The following NTNG1 variants were observed in gnomAD, a reference collection of about 807,000 sequenced individuals.
The protein encoded by NTNG1 is netrin-G1.
In NTNG1, 16 loss-of-function variants were observed where a neutral mutation model predicts 54.0. The ratio of observed to expected loss-of-function variants is 0.30; its 90% CI spans 0.20 to 0.45. The LOEUF (loss-of-function observed/expected upper bound fraction) is 0.45. NTNG1 is among the 20% of genes least tolerant of loss of function. The probability of loss-of-function intolerance (pLI) is 1.00; values close to 1 mark genes in which losing one functional copy is unlikely to be tolerated. For synonymous variants in NTNG1, 255 were observed against 263.1 expected (o/e 0.97, Z 0.30); for missense variants, 530 against 678.7 (o/e 0.78, Z 2.43).
chr1:107,183,216 A>C (rs1389744476), intron 2 of NTNG1, among the ~76,000 whole-genome samples: 1 of 152,154 alleles, frequency 6.6e-6, no homozygotes, highest in Non-Finnish European at 1.5e-5. Flanking sequence ...TCCTGTGATT[A>C]ATGCTGGAAT....
At chr1:107,405,157 T>A (rs1279687194) in intron 4 of NTNG1, among the ~76,000 whole-genome samples, 1 of 152,186 alleles carries the variant, frequency 6.6e-6, no homozygotes, top group Non-Finnish European at 1.5e-5. Flanking sequence ...TTCAATTCTT[T>A]ATCTGTGGAG....
intron 2 of NTNG1, among the ~76,000 whole-genome samples, chr1:107,243,186 C>T (rs1048529020): frequency 4.6e-5 from 7 of 152,138 alleles, no homozygotes; most frequent in African/African-American, 1.4e-4. Flanking sequence ...TATTCCTGTG[C>T]AGGCTTTATA....
intron 3 of NTNG1, among the ~76,000 whole-genome samples, chr1:107,333,659 TTGTG>T (rs984919033): frequency 6.6e-6 from 1 of 150,610 alleles, no homozygotes; most frequent in African/African-American, 2.4e-5. Flanking sequence ...ATGTGTGTGT[TTGTG>T]TGTGTGTGTG....
Position 107,380,513 on chromosome 1 carries a change from G to A in NTNG1, c.888-14641G>A, listed in dbSNP as rs182590127. 2.6e-3 allele frequency among the ~76,000 whole-genome samples: 392 copies of A among 152,248 alleles called. 4 individuals are homozygous for A. The highest frequency in any genetic ancestry group is 9.1e-3 in the African/African-American group (376 of 41,536). Reference sequence around the variant, plus strand: ...CTTGTATCTCTCTCATAAAGCTGCTGTATAAATGAAGTAAAACACCATTAC... The same window carrying A: ...CTTGTATCTCTCTCATAAAGCTGCTATATAAATGAAGTAAAACACCATTAC... On this transcript the variant is annotated intron_variant, in intron 3 of 7. Coordinates refer to ENST00000370068, the MANE Select transcript of NTNG1 (RefSeq NM_001113226.3).
At chr1:107,218,069 G>T (rs1660091634) in intron 2 of NTNG1, among the ~76,000 whole-genome samples, 1 of 152,018 alleles carries the variant, frequency 6.6e-6, no homozygotes, top group Non-Finnish European at 1.5e-5. Flanking sequence ...TTATTGTGTT[G>T]CTGTCTGTCT....
chr1:107,431,243 C>T (rs535137055), intron 6 of NTNG1, among the ~76,000 whole-genome samples: 38 of 151,978 alleles, frequency 2.5e-4, no homozygotes, highest in African/African-American at 8.9e-4. Flanking sequence ...GATCTTATAG[C>T]CTTAAACTTA....
intron 2 of NTNG1, among the ~76,000 whole-genome samples, chr1:107,226,445 C>T (rs1291183490): frequency 2.0e-5 from 3 of 152,090 alleles, no homozygotes; most frequent in Non-Finnish European, 4.4e-5. Context: ...TATTATGCGA[C>T]AATAGTTTTA....
At chr1:107,245,315 A>G (rs1316385948) in intron 2 of NTNG1, among the ~76,000 whole-genome samples, 3 of 152,248 alleles carry the variant, frequency 2.0e-5, no homozygotes, top group Non-Finnish European at 4.4e-5. Context: ...TTAATTGAGC[A>G]TGCATAATTT....
At chr1:107,343,469 A>T (rs1410569856) in intron 3 of NTNG1, among the ~76,000 whole-genome samples, 1 of 152,012 alleles carries the variant, frequency 6.6e-6, no homozygotes, top group South Asian at 2.1e-4. Context: ...AGGTATGATT[A>T]TTGGCCTACT....
intron 3 of NTNG1, among the ~76,000 whole-genome samples, chr1:107,374,835 GT>G (rs929427694): frequency 8.6e-5 from 13 of 150,682 alleles, no homozygotes; most frequent in African/African-American, 2.2e-4. Flanking sequence ...ATTCTTTAGG[GT>G]TTTTTTTTCT....
intron 3 of NTNG1, among the ~76,000 whole-genome samples, chr1:107,377,108 A>C (rs1042806046): frequency 6.6e-6 from 1 of 152,174 alleles, no homozygotes; most frequent in Admixed American, 6.5e-5. Flanking sequence ...TGCTTGTCAC[A>C]TATCTGTTTC....
At chr1:107,411,012 C>T (rs1673762900) in intron 5 of NTNG1, among the ~76,000 whole-genome samples, 1 of 152,108 alleles carries the variant, frequency 6.6e-6, no homozygotes. Flanking sequence ...CCATTTCGAA[C>T]TCTTGGAGTT....
chr1:107,254,436 C>T (rs541712493), intron 2 of NTNG1, among the ~76,000 whole-genome samples: 13 of 152,314 alleles, frequency 8.5e-5, no homozygotes, highest in African/African-American at 2.2e-4. Context: ...CAGTAGCAGC[C>T]GCATGAGGAC....
chr1:107,446,319 C>A (rs1676301510), intron 7 of NTNG1, among the ~76,000 whole-genome samples: 1 of 152,062 alleles, frequency 6.6e-6, no homozygotes, highest in Admixed American at 6.6e-5. Flanking sequence ...GCCAATTTAG[C>A]ATCAATTTAG....
intron 4 of NTNG1, among the ~76,000 whole-genome samples, chr1:107,400,461 A>G (rs1290583058): frequency 1.3e-5 from 2 of 152,158 alleles, no homozygotes; most frequent in Non-Finnish European, 2.9e-5. Context: ...GATATGTACT[A>G]TTATTATCCT....
chr1:107,190,359 C>A (rs1354504656), intron 2 of NTNG1, among the ~76,000 whole-genome samples: 5 of 152,044 alleles, frequency 3.3e-5, no homozygotes, highest in Admixed American at 2.0e-4. Context: ...ACAACAACAA[C>A]AAAGAGCAAG....
At chr1:107,362,809 A>T (rs1348595591) in intron 3 of NTNG1, among the ~76,000 whole-genome samples, 1 of 152,224 alleles carries the variant, frequency 6.6e-6, no homozygotes, top group Non-Finnish European at 1.5e-5. Context: ...ATAAGGGCAG[A>T]TGAAGATTTC....
upstream of NTNG1, among the ~76,000 whole-genome samples, chr1:107,140,359 C>T (rs1653560489): frequency 6.6e-6 from 1 of 152,070 alleles, no homozygotes; most frequent in Admixed American, 6.5e-5. Context: ...CTTTAATTGG[C>T]ACTGGCCCCT....
At chr1:107,273,458 T>C (rs527871103) in intron 2 of NTNG1, among the ~76,000 whole-genome samples, 4 of 151,432 alleles carry the variant, frequency 2.6e-5, no homozygotes, top group African/African-American at 9.6e-5. Flanking sequence ...AACATAGTTA[T>C]TGTTGTTGTC....
Sources: allele counts gnomAD v4.1 joint callset (sites outside exome capture counted in the v4.1 genomes callset), GRCh38; gene constraint gnomAD v4.1.1; transcripts MANE v1.5; gene names NCBI Gene and HGNC (gene_info 2026-07-23, HGNC 2026-07-21).